The following NHLRC2 variants were observed in gnomAD, a reference collection of about 807,000 sequenced individuals.
NHLRC2 encodes the protein NHL repeat-containing protein 2.
Under a neutral mutation model 68.1 loss-of-function variants are expected in NHLRC2, and 33 were observed. That is an observed-to-expected ratio of 0.48 (90% CI 0.37 to 0.65). NHLRC2 has a LOEUF of 0.65. Among genes scored for constraint, NHLRC2 ranks in the 30% least tolerant of loss-of-function variants. The probability of loss-of-function intolerance (pLI) is 0.00; values close to 1 mark genes in which losing one functional copy is unlikely to be tolerated. For synonymous variants in NHLRC2, 311 were observed against 309.6 expected (o/e 1.00, Z -0.05); for missense variants, 761 against 853.8 (o/e 0.89, Z 1.35).
Position 113,870,102 on chromosome 10 carries a change from A to C in NHLRC2, c.332-6419A>C, listed in dbSNP as rs565312926. On this transcript the variant is annotated intron_variant, in intron 2 of 10. Coordinates refer to ENST00000369301, the MANE Select transcript of NHLRC2 (RefSeq NM_198514.4). Reference sequence around the variant, plus strand: ...ATGGTGTTTTTGCTTCTAGTTTCTCAAATAATTCAGAAATTACTTAGGCTA... The same window carrying C: ...ATGGTGTTTTTGCTTCTAGTTTCTCCAATAATTCAGAAATTACTTAGGCTA... 3.9e-5 allele frequency among the ~76,000 whole-genome samples: 6 copies of C among 152,302 alleles called. No individual in the cohort carries two copies. The South Asian group carries it at 1.2e-3, about 32-fold the overall frequency.
At position 113,866,330 on chromosome 10, in the gene NHLRC2, T is replaced by C. The variant is rs887033767; in HGVS notation, c.331+7650T>C. 3.9e-5 allele frequency among the ~76,000 whole-genome samples: 6 copies of C among 152,248 alleles called. No individual in the cohort carries two copies. In the East Asian group the frequency reaches 1.2e-3, roughly 29 times the overall value. On this transcript the variant is annotated intron_variant, in intron 2 of 10. Coordinates refer to ENST00000369301, the MANE Select transcript of NHLRC2 (RefSeq NM_198514.4). ...AACTTAGTACATATTTATGTTAAACTGCAAGTGATATTTTACCATTTTCTA... is the reference window on the plus strand; with the variant it reads ...AACTTAGTACATATTTATGTTAAACCGCAAGTGATATTTTACCATTTTCTA...
chr10:113,866,727 C>T (rs1002072244), intron 2 of NHLRC2, among the ~76,000 whole-genome samples: 7 of 151,782 alleles, frequency 4.6e-5, no homozygotes, highest in South Asian at 2.1e-4. Flanking sequence ...TCTCAAACCT[C>T]GCCTGCCCGC....
chr10:113,874,193 T>C lies in NHLRC2; in HGVS notation c.332-2328T>C, dbSNP rs148498114. On this transcript the variant is annotated intron_variant, in intron 2 of 10. Transcript: ENST00000369301. ...ATAATTATAGCAAAATTTGTTGAAATTTTACTCTACACTAGGTACTATGCT... is the reference window on the plus strand; with the variant it reads ...ATAATTATAGCAAAATTTGTTGAAACTTTACTCTACACTAGGTACTATGCT... Among the ~76,000 whole-genome samples, 48 of 152,288 alleles carry C rather than the reference T, an allele frequency of 3.2e-4. No homozygotes were observed. In the East Asian group the frequency reaches 8.7e-3, roughly 28 times the overall value.
rs1203484680 is a variant in NHLRC2, at chr10:113,911,997, A to G, written c.*3461A>G. On this transcript the variant is annotated 3_prime_UTR_variant, in exon 11 of 11. Coordinates refer to ENST00000369301, the MANE Select transcript of NHLRC2 (RefSeq NM_198514.4). ...AGCACTTATATAATAACTTTTTAAA[A>G]GTCATTTTTATTACCAGAGCTCAGA... 1 of 152,216 alleles carries G rather than the reference A, an allele frequency of 6.6e-6. No homozygotes were observed. Among genetic ancestry groups the G allele is most frequent in the Non-Finnish European group, 1.5e-5 (1 of 68,032 alleles). 9.4% of individuals were successfully genotyped at this position (152,216 alleles called of 1,614,324 possible). A position where few individuals can be genotyped will look rare whatever the true frequency, so the allele number is the denominator to read the frequency against.
chr10:113,907,863 G>T (rs1846290342), intron 10 of NHLRC2, among the ~76,000 whole-genome samples: 1 of 152,172 alleles, frequency 6.6e-6, no homozygotes, highest in African/African-American at 2.4e-5. Flanking sequence ...ATTTTATTTT[G>T]TAGTTTTTAT....
rs1188708949 is a variant in NHLRC2 at position 113,913,311 on chromosome 10, C to A, written c.*4775C>A. On this transcript the variant is annotated 3_prime_UTR_variant, in exon 11 of 11. Coordinates refer to ENST00000369301, the MANE Select transcript of NHLRC2 (RefSeq NM_198514.4). ...TTTATAGTAACTTAATCCAAAGAAC[C>A]CCAAAAGTACTAGCAATGATTGTTT... 6.6e-6 allele frequency: 1 copy of A among 152,014 alleles called. No individual in the cohort carries two copies. Among genetic ancestry groups the A allele is most frequent in the Non-Finnish European group, 1.5e-5 (1 of 68,016 alleles). The allele number at this position is 152,014 out of a possible 1,614,324, so 9.4% of individuals were successfully genotyped here. A position where few individuals can be genotyped will look rare whatever the true frequency, so the allele number is the denominator to read the frequency against.
At chr10:113,870,208 A>T (rs1196773665) in intron 2 of NHLRC2, among the ~76,000 whole-genome samples, 1 of 151,968 alleles carries the variant, frequency 6.6e-6, no homozygotes, top group Non-Finnish European at 1.5e-5. Context: ...TTCTATTTGT[A>T]TTTCATTTTA....
chr10:113,857,184 T>TG (rs1264804681), intron 1 of NHLRC2, among the ~76,000 whole-genome samples: 2 of 152,184 alleles, frequency 1.3e-5, no homozygotes, highest in African/African-American at 4.8e-5. Flanking sequence ...CTGGTAAGTA[T>TG]CTAGCACGGT....
At chr10:113,893,139 G>A (rs1846147203) in intron 5 of NHLRC2, among the ~76,000 whole-genome samples, 1 of 152,106 alleles carries the variant, frequency 6.6e-6, no homozygotes, top group Non-Finnish European at 1.5e-5. Flanking sequence ...GAAAGGCAGA[G>A]GGGTAAACCT....
At chr10:113,890,040 TTGGGCAAA>T in intron 5 of NHLRC2, among the ~76,000 whole-genome samples, 1 of 152,340 alleles carries the variant, frequency 6.6e-6, no homozygotes, top group African/African-American at 2.4e-5. Flanking sequence ...TTCACTTCTC[TTGGGCAAA>T]TGCCTAAGAA....
At chr10:113,871,304 G>T (rs755091887) in intron 2 of NHLRC2, among the ~76,000 whole-genome samples, 1 of 152,068 alleles carries the variant, frequency 6.6e-6, no homozygotes, top group South Asian at 2.1e-4. Context: ...GATTACAGGC[G>T]TGAGCCACTG....
intron 4 of NHLRC2, among the ~76,000 whole-genome samples, chr10:113,881,364 C>T (rs1846034675): frequency 6.6e-6 from 1 of 151,812 alleles, no homozygotes; most frequent in Non-Finnish European, 1.5e-5. Flanking sequence ...GTTTTATATT[C>T]TGTGACTTAA....
intron 5 of NHLRC2, among the ~76,000 whole-genome samples, chr10:113,886,565 C>A (rs1846084650): frequency 3.9e-5 from 6 of 151,996 alleles, no homozygotes; most frequent in Admixed American, 3.3e-4. Flanking sequence ...GATAGAAAAC[C>A]CAGAAATAAA....
chr10:113,882,346 A>C (rs2134713966), intron 4 of NHLRC2, among the ~76,000 whole-genome samples: 1 of 151,852 alleles, frequency 6.6e-6, no homozygotes, highest in Admixed American at 6.6e-5. Flanking sequence ...AATTTTCTAC[A>C]TGTTCACCGT....
In NHLRC2 at chr10:113,907,418, TACATGGTGGG is replaced by T. The variant is rs546442247; in HGVS notation, c.1925-860_1925-851del. On this transcript the variant is annotated intron_variant, in intron 10 of 10. Transcript: ENST00000369301. Reference sequence around the variant, plus strand: ...TAGAAAATGTTCAGTGTTCTCCATTTACATGGTGGGAAAGCATTTCATATATTTCCCAAAT... The same window carrying T: ...TAGAAAATGTTCAGTGTTCTCCATTTAAAGCATTTCATATATTTCCCAAAT... Among the ~76,000 whole-genome samples, 702 of 152,340 alleles carry T rather than the reference TACATGGTGGG, an allele frequency of 4.6e-3. 5 individuals carry two copies. The highest frequency in any genetic ancestry group is 0.016 in the African/African-American group (676 of 41,576).
At chr10:113,879,716 G>C (rs749975532) in intron 4 of NHLRC2, 21 bp downstream of exon 4, 1 of 1,399,456 alleles carries the variant, frequency 7.1e-7, no homozygotes, top group South Asian at 1.3e-5. Flanking sequence ...TTTTAAATTT[G>C]TTTTAATACT....
rs964237424 is a variant in NHLRC2 at position 113,911,341 on chromosome 10, T to C, written c.*2805T>C. 18 of 152,256 alleles carry C rather than the reference T, an allele frequency of 1.2e-4. No individual in the cohort carries two copies. Among genetic ancestry groups the C allele is most frequent in the African/African-American group, 4.3e-4 (18 of 41,580 alleles). 9.4% of individuals were successfully genotyped at this position (152,256 alleles called of 1,614,324 possible). A position where few individuals can be genotyped will look rare whatever the true frequency, so the allele number is the denominator to read the frequency against. ...AGCAAATATTTAACAAGAGAAAACT[T>C]TGTAGTTTAATCACCCATAAGTGTA... On this transcript the variant is annotated 3_prime_UTR_variant, in exon 11 of 11. Transcript: ENST00000369301.
chr10:113,905,939 C>T (rs1589550061), intron 10 of NHLRC2, among the ~76,000 whole-genome samples: 1 of 152,038 alleles, frequency 6.6e-6, no homozygotes, highest in Non-Finnish European at 1.5e-5. Context: ...GGAAACCACC[C>T]CTTGTCACTT....
At chr10:113,876,121 G>C (rs1845977215) in intron 2 of NHLRC2, among the ~76,000 whole-genome samples, 1 of 149,832 alleles carries the variant, frequency 6.7e-6, no homozygotes, top group Non-Finnish European at 1.5e-5. Flanking sequence ...AAAAAAAAAA[G>C]ACAGTGATAC....
Sources: allele counts gnomAD v4.1 joint callset (sites outside exome capture counted in the v4.1 genomes callset), GRCh38; gene constraint gnomAD v4.1.1; transcripts MANE v1.5; gene names NCBI Gene and HGNC (gene_info 2026-07-23, HGNC 2026-07-21).